Variants in SYNDIG1 observed in about 807,000 individuals in gnomAD.
SYNDIG1 encodes synapse differentiation-inducing gene protein 1.
In SYNDIG1, 9 loss-of-function variants were observed where a neutral mutation model predicts 19.4. The ratio of observed to expected loss-of-function variants is 0.46; its 90% CI spans 0.28 to 0.81. The LOEUF (loss-of-function observed/expected upper bound fraction) is 0.81. Among genes scored for constraint, SYNDIG1 ranks in the 30% least tolerant of loss-of-function variants. The probability of loss-of-function intolerance (pLI) is 0.12; values close to 1 mark genes in which losing one functional copy is unlikely to be tolerated. For synonymous variants in SYNDIG1, 141 were observed against 145.9 expected (o/e 0.97, Z 0.24); for missense variants, 311 against 343.3 (o/e 0.91, Z 0.74).
At chr20:24,486,933 A>G (rs2055982182) in intron 1 of SYNDIG1, among the ~76,000 whole-genome samples, 1 of 152,168 alleles carries the variant, frequency 6.6e-6, no homozygotes, top group Non-Finnish European at 1.5e-5. Flanking sequence ...CTGGGATTAC[A>G]GGTGTGAGCC....
chr20:24,489,221 C>T (rs1256143802), intron 1 of SYNDIG1, among the ~76,000 whole-genome samples: 4 of 152,156 alleles, frequency 2.6e-5, no homozygotes, highest in African/African-American at 9.7e-5. Context: ...GATGCATGCA[C>T]ACCGACATGT....
intron 1 of SYNDIG1, among the ~76,000 whole-genome samples, chr20:24,526,364 C>G (rs1202056542): frequency 1.3e-5 from 2 of 151,814 alleles, no homozygotes; most frequent in Non-Finnish European, 2.9e-5. Flanking sequence ...ACTTCTCTCC[C>G]CTGGTTTAGA....
intron 3 of SYNDIG1, among the ~76,000 whole-genome samples, chr20:24,645,276 T>A (rs1474276324): frequency 6.6e-6 from 1 of 152,196 alleles, no homozygotes; most frequent in Non-Finnish European, 1.5e-5. Flanking sequence ...TGTTAATTAC[T>A]TTTTTCATAA....
chr20:24,578,335 C>G (rs1022609340), intron 2 of SYNDIG1, among the ~76,000 whole-genome samples: 1 of 151,810 alleles, frequency 6.6e-6, no homozygotes, highest in East Asian at 1.9e-4. Context: ...CCCAGCTACT[C>G]CAGAGGCTGA....
intron 1 of SYNDIG1, among the ~76,000 whole-genome samples, chr20:24,495,262 C>A (rs933867690): frequency 1.3e-5 from 2 of 152,210 alleles, no homozygotes; most frequent in Non-Finnish European, 2.9e-5. Flanking sequence ...ACCCTCCAGG[C>A]CCTCAGCTCA....
chr20:24,584,414 A>G (rs8119291), intron 2 of SYNDIG1, among the ~76,000 whole-genome samples: 9,005 of 152,240 alleles, frequency 0.059, 523 homozygotes, highest in African/African-American at 0.15. Flanking sequence ...GAGAGTCTCC[A>G]GTCCATCCTC....
chr20:24,523,849 T>C (rs953627161), intron 1 of SYNDIG1, among the ~76,000 whole-genome samples: 1 of 152,210 alleles, frequency 6.6e-6, no homozygotes, highest in Admixed American at 6.5e-5. Context: ...AAAGATGGTC[T>C]TTGTGAAGCC....
At chr20:24,604,804 G>A (rs568823621) in intron 3 of SYNDIG1, among the ~76,000 whole-genome samples, 2 of 152,088 alleles carry the variant, frequency 1.3e-5, no homozygotes, top group African/African-American at 4.8e-5. Context: ...ATTCTTTCTG[G>A]CATGAAGTCC....
intron 2 of SYNDIG1, among the ~76,000 whole-genome samples, chr20:24,549,827 A>G (rs1401815685): frequency 1.3e-5 from 2 of 152,138 alleles, no homozygotes; most frequent in East Asian, 3.9e-4. Context: ...TGGAGCCGGG[A>G]AGGATACTGG....
At chr20:24,564,616 G>A (rs1385508577) in intron 2 of SYNDIG1, among the ~76,000 whole-genome samples, 1 of 152,182 alleles carries the variant, frequency 6.6e-6, no homozygotes, top group African/African-American at 2.4e-5. Context: ...CATTAGAAGG[G>A]TGAGGATAGT....
At chr20:24,595,465 G>T (rs1394456435) in intron 3 of SYNDIG1, among the ~76,000 whole-genome samples, 1 of 152,094 alleles carries the variant, frequency 6.6e-6, no homozygotes, top group Non-Finnish European at 1.5e-5. Flanking sequence ...TTCTTTTTCT[G>T]TTAAGTCTTT....
intron 2 of SYNDIG1, among the ~76,000 whole-genome samples, chr20:24,579,535 T>G (rs558743913): frequency 6.6e-5 from 10 of 152,268 alleles, no homozygotes; most frequent in Admixed American, 5.2e-4. Flanking sequence ...AACGGCACAG[T>G]CCAATAGGAC....
At chr20:24,557,194 G>A (rs1169508973) in intron 2 of SYNDIG1, among the ~76,000 whole-genome samples, 1 of 152,050 alleles carries the variant, frequency 6.6e-6, no homozygotes, top group Non-Finnish European at 1.5e-5. Flanking sequence ...GGTTATTCTA[G>A]GTATCCATTC....
intron 2 of SYNDIG1, among the ~76,000 whole-genome samples, chr20:24,573,095 T>A (rs937571390): frequency 1.3e-5 from 2 of 152,178 alleles, no homozygotes; most frequent in Non-Finnish European, 2.9e-5. Flanking sequence ...GTGGTTCTGT[T>A]CTGCTTTTGA....
At chr20:24,511,841 T>A (rs1427389765) in intron 1 of SYNDIG1, among the ~76,000 whole-genome samples, 1 of 152,134 alleles carries the variant, frequency 6.6e-6, no homozygotes, top group African/African-American at 2.4e-5. Context: ...AATTTGAAGA[T>A]CTGGCAATAT....
chr20:24,545,576 C>T (rs1423385954), intron 2 of SYNDIG1, among the ~76,000 whole-genome samples: 1 of 152,140 alleles, frequency 6.6e-6, no homozygotes, highest in Non-Finnish European at 1.5e-5. Context: ...GAAGTCATCA[C>T]ACAGGCAGGA....
intron 1 of SYNDIG1, among the ~76,000 whole-genome samples, chr20:24,513,417 G>A (rs2056792617): frequency 6.6e-6 from 1 of 152,196 alleles, no homozygotes; most frequent in East Asian, 1.9e-4. Context: ...AACCAGTGTA[G>A]AGAAGCCCTT....
chr20:24,644,721 T>C (rs78764955), intron 3 of SYNDIG1, among the ~76,000 whole-genome samples: 30,756 of 152,186 alleles, frequency 0.2, 4,100 homozygotes, highest in Admixed American at 0.36. Context: ...AGAAGTTACA[T>C]TGGACCTCCA....
intron 1 of SYNDIG1, among the ~76,000 whole-genome samples, chr20:24,493,718 G>A (rs1352556876): frequency 6.6e-6 from 1 of 152,192 alleles, no homozygotes; most frequent in East Asian, 1.9e-4. Context: ...GAGGGTGGTG[G>A]AGGAGGAGCA....
Sources: allele counts gnomAD v4.1 joint callset (sites outside exome capture counted in the v4.1 genomes callset), GRCh38; gene constraint gnomAD v4.1.1; transcripts MANE v1.5; gene names NCBI Gene and HGNC (gene_info 2026-07-23, HGNC 2026-07-21).